LEKR1: variants seen among roughly 807,000 people sequenced by gnomAD.
LEKR1 encodes leucine, glutamate and lysine rich 1, also known as protein LEKR1.
In LEKR1, 59 loss-of-function variants were observed where a neutral mutation model predicts 72.4. The observed-to-expected ratio is 0.82, with a 90% confidence interval of 0.66 to 1.01. LEKR1 has a LOEUF of 1.01. Among genes scored for constraint, LEKR1 ranks in the 50% least tolerant of loss-of-function variants. LEKR1 has a pLI of 0.00. For synonymous variants in LEKR1, 257 were observed against 263.2 expected, an observed-to-expected ratio of 0.98 and a Z score of 0.23; for missense variants, 728 against 759.2, an observed-to-expected ratio of 0.96 and a Z score of 0.48.
At chr3:156,983,855 G>T (rs928187456) in intron 7 of LEKR1, among the ~76,000 whole-genome samples, 3 of 152,078 alleles carry the variant, frequency 2.0e-5, no homozygotes, top group Admixed American at 6.5e-5. Context: ...AAGCAGACAA[G>T]CAAACAGAGG....
chr3:156,881,831 C>G (rs1378458118), intron 3 of LEKR1, among the ~76,000 whole-genome samples: 1 of 134,120 alleles, frequency 7.5e-6, no homozygotes, highest in African/African-American at 2.8e-5. Flanking sequence ...GAACAGAGCC[C>G]TCAGAAATAA....
chr3:157,001,901 C>A (rs545408612), intron 9 of LEKR1, among the ~76,000 whole-genome samples: 58 of 152,290 alleles, frequency 3.8e-4, no homozygotes, highest in African/African-American at 1.4e-3. Context: ...GACACATAGT[C>A]AGCTCTCAAT....
At chr3:157,039,573 C>T (rs960727950) in intron 12 of LEKR1, among the ~76,000 whole-genome samples, 12 of 152,244 alleles carry the variant, frequency 7.9e-5, no homozygotes, top group Admixed American at 7.2e-4. Flanking sequence ...GAGCCGTGAT[C>T]GTGCTTCTGT....
At chr3:156,888,900 TA>T (rs1418850435) in intron 3 of LEKR1, among the ~76,000 whole-genome samples, 1 of 152,212 alleles carries the variant, frequency 6.6e-6, no homozygotes, top group Non-Finnish European at 1.5e-5. Context: ...TTTGAAAAAT[TA>T]ACTTAAGCAT....
Position 156,991,013 on chromosome 3 carries a change from G to A in LEKR1, c.828-1640G>A, listed in dbSNP as rs1016551341. Among the ~76,000 whole-genome samples, 12 of 152,250 alleles carry A rather than the reference G, an allele frequency of 7.9e-5. 1 individual carries two copies. The South Asian group carries it at 8.3e-4, about 11-fold the overall frequency. Reference sequence around the variant, plus strand: ...TTTAAAGATGTGCAGTGTATTATATGTCAATACAATACCTTAATAGAGACA... The same window carrying A: ...TTTAAAGATGTGCAGTGTATTATATATCAATACAATACCTTAATAGAGACA... On this transcript the variant is annotated intron_variant, in intron 7 of 12. Transcript: ENST00000356539.
intron 6 of LEKR1, among the ~76,000 whole-genome samples, chr3:156,959,327 G>C (rs1444103548): frequency 6.6e-6 from 1 of 151,986 alleles, no homozygotes; most frequent in Admixed American, 6.6e-5. Context: ...TTCACTTTTT[G>C]TTATGAACTT....
At chr3:157,027,703 A>G (rs2108036641) in intron 11 of LEKR1, among the ~76,000 whole-genome samples, 1 of 152,244 alleles carries the variant, frequency 6.6e-6, no homozygotes, top group African/African-American at 2.4e-5. Flanking sequence ...TGATCCAGCT[A>G]CTGGAGAGGC....
chr3:156,899,929 G>A (rs1576779790), intron 3 of LEKR1, among the ~76,000 whole-genome samples: 1 of 151,960 alleles, frequency 6.6e-6, no homozygotes, highest in South Asian at 2.1e-4. Flanking sequence ...TAAATGGCAG[G>A]CACTTACCCT....
chr3:156,932,531 G>A (rs933243347), intron 5 of LEKR1, among the ~76,000 whole-genome samples: 9 of 151,986 alleles, frequency 5.9e-5, no homozygotes, highest in African/African-American at 2.2e-4. Flanking sequence ...TGGGCAACAT[G>A]GCAAAGCCCT....
chr3:156,913,152 T>A (rs1453361544), intron 3 of LEKR1, among the ~76,000 whole-genome samples: 1 of 152,240 alleles, frequency 6.6e-6, no homozygotes, highest in Non-Finnish European at 1.5e-5. Context: ...GAATAGCTTT[T>A]TTCTATTTCT....
chr3:156,918,066 A>G (rs1195523796), intron 3 of LEKR1, among the ~76,000 whole-genome samples: 2 of 152,166 alleles, frequency 1.3e-5, no homozygotes, highest in East Asian at 1.9e-4. Flanking sequence ...AAAGGAGACA[A>G]TTTTTAATTC....
At chr3:156,910,959 G>A (rs1391582961) in intron 3 of LEKR1, among the ~76,000 whole-genome samples, 1 of 152,146 alleles carries the variant, frequency 6.6e-6, no homozygotes. Flanking sequence ...CACCAACAAT[G>A]TATAAGCATT....
chr3:156,981,284 A>G (rs1202300491), intron 7 of LEKR1, among the ~76,000 whole-genome samples: 1 of 152,146 alleles, frequency 6.6e-6, no homozygotes, highest in Non-Finnish European at 1.5e-5. Flanking sequence ...TTTAATATTA[A>G]CACATGCTTT....
chr3:157,022,186 G>A (rs1219687172), intron 10 of LEKR1, among the ~76,000 whole-genome samples: 6 of 152,176 alleles, frequency 3.9e-5, no homozygotes, highest in African/African-American at 1.4e-4. Flanking sequence ...TTTCATCTAA[G>A]GATGGGGTGC....
intron 3 of LEKR1, among the ~76,000 whole-genome samples, chr3:156,900,961 CT>C (rs376842420): frequency 6.6e-6 from 1 of 151,872 alleles, no homozygotes; most frequent in Non-Finnish European, 1.5e-5. Context: ...TAATTCACAC[CT>C]TTTTTTGGTT....
At chr3:156,852,684 C>G (rs773350629) in intron 2 of LEKR1, 84 bp from the exon 3 acceptor site, 32 of 663,298 alleles carry the variant, frequency 4.8e-5, no homozygotes, top group Non-Finnish European at 1.3e-5. Context: ...TTACTTCATT[C>G]AACCAGCATG....
chr3:157,039,172 A>C (rs1735176035), intron 12 of LEKR1, among the ~76,000 whole-genome samples: 1 of 152,258 alleles, frequency 6.6e-6, no homozygotes, highest in East Asian at 1.9e-4. Flanking sequence ...TGGTTACCTT[A>C]GAAGTGTAGG....
intron 4 of LEKR1, among the ~76,000 whole-genome samples, chr3:156,921,733 C>G (rs1174640361): frequency 1.3e-5 from 2 of 152,146 alleles, no homozygotes; most frequent in Non-Finnish European, 2.9e-5. Flanking sequence ...GAAGGCTCAT[C>G]TGATTTATCC....
intron 3 of LEKR1, among the ~76,000 whole-genome samples, chr3:156,869,327 G>A (rs1196057437): frequency 6.6e-6 from 1 of 151,950 alleles, no homozygotes; most frequent in African/African-American, 2.4e-5. Context: ...CAATGTATAA[G>A]GGCTCCCTTT....
Sources: allele counts gnomAD v4.1 joint callset (sites outside exome capture counted in the v4.1 genomes callset), GRCh38; gene constraint gnomAD v4.1.1; transcripts MANE v1.5; gene names NCBI Gene and HGNC (gene_info 2026-07-23, HGNC 2026-07-21).